Variants in NRCAM observed in about 807,000 individuals in gnomAD.
NRCAM encodes NgCAM-related cell adhesion molecule.
A neutral mutation model predicts 156.5 loss-of-function variants in NRCAM; 83 were observed. That is an observed-to-expected ratio of 0.53 (90% CI 0.44 to 0.64). The LOEUF (loss-of-function observed/expected upper bound fraction) is 0.64, where lower values mean the gene tolerates loss of function less well. Among genes scored for constraint, NRCAM ranks in the 30% least tolerant of loss-of-function variants. The pLI is 0.00. For missense variants in NRCAM, 1,417 were observed against 1,597.3 expected, an observed-to-expected ratio of 0.89 and a Z score of 1.92; for synonymous variants, 538 against 563.9, an observed-to-expected ratio of 0.95 and a Z score of 0.65.
At chr7:108,352,112 T>C (rs1407652418) in intron 2 of NRCAM, among the ~76,000 whole-genome samples, 1 of 152,192 alleles carries the variant, frequency 6.6e-6, no homozygotes, top group African/African-American at 2.4e-5. Context: ...TTAAGAATAT[T>C]CCTTCCTCTA....
chr7:108,364,567 T>C (rs1389673736), intron 2 of NRCAM, among the ~76,000 whole-genome samples: 1 of 152,172 alleles, frequency 6.6e-6, no homozygotes, highest in Non-Finnish European at 1.5e-5. Context: ...ATGTTCATAG[T>C]AGTATTATTT....
At chr7:108,221,060 AAAG>A (rs1434475456) in intron 11 of NRCAM, among the ~76,000 whole-genome samples, 1 of 152,234 alleles carries the variant, frequency 6.6e-6, no homozygotes, top group African/African-American at 2.4e-5. Context: ...ACAGTTTTCA[AAAG>A]AAGATACACA....
chr7:108,254,751 A>G (rs80138177), intron 3 of NRCAM, among the ~76,000 whole-genome samples: 4,904 of 152,034 alleles, frequency 0.032, 99 homozygotes, highest in South Asian at 0.058. Flanking sequence ...AGGTTTCACT[A>G]TATTACCCAG....
At chr7:108,209,713 TAAGA>T (rs1045944393) in intron 11 of NRCAM, 108 bp from the exon 12 acceptor site, 4 of 768,542 alleles carry the variant, frequency 5.2e-6, no homozygotes, top group East Asian at 5.5e-5. Context: ...TAAAAAATCA[TAAGA>T]AATACATAGA....
intron 32 of NRCAM, among the ~76,000 whole-genome samples, chr7:108,158,115 G>C (rs796540645): frequency 2.6e-5 from 4 of 152,194 alleles, no homozygotes; most frequent in African/African-American, 9.6e-5. Context: ...GCTTCTGTAG[G>C]CTGCTCTAAT....
chr7:108,158,419 C>T (rs1378278553), intron 32 of NRCAM, among the ~76,000 whole-genome samples: 1 of 152,078 alleles, frequency 6.6e-6, no homozygotes, highest in Non-Finnish European at 1.5e-5. Context: ...ATCAGTTCTA[C>T]ATTTTTTATC....
At chr7:108,256,288 C>A (rs1226860235) in intron 3 of NRCAM, among the ~76,000 whole-genome samples, 1 of 146,108 alleles carries the variant, frequency 6.8e-6, no homozygotes, top group Non-Finnish European at 1.5e-5. Flanking sequence ...AAGAAAAATT[C>A]TTCTGCCTTG....
chr7:108,347,818 C>A (rs1414812995), intron 2 of NRCAM, among the ~76,000 whole-genome samples: 1 of 152,158 alleles, frequency 6.6e-6, no homozygotes, highest in Non-Finnish European at 1.5e-5. Flanking sequence ...CTCCTTGGTC[C>A]TGAGACCTGT....
rs1166813737 is a variant in NRCAM at position 108,178,003 on chromosome 7, T to C, written c.2961A>G (p.Leu987=). 10 of 1,610,550 alleles carry C rather than the reference T, an allele frequency of 6.2e-6. No homozygotes were observed. The Admixed American group carries it at 1.3e-4, about 22-fold the overall frequency. Reference sequence around the variant, plus strand: ...CCAACAGCTTACTTGGCTGATACTTTAAGGTGTACTCTGTCAAAATGCCAT... The same window carrying C: ...CCAACAGCTTACTTGGCTGATACTTCAAGGTGTACTCTGTCAAAATGCCAT... The part of the protein sequence containing the change: ...HPNGILTEYT[L]KYQPINSTHE... The change falls in exon 26 of 33, where the codon TTA becomes TTG. Residue 987 remains leucine, a synonymous_variant. Coordinates refer to ENST00000379028, the MANE Select transcript of NRCAM (RefSeq NM_001037132.4).
chr7:108,156,561 G>T, intron 32 of NRCAM: 1 of 224,928 alleles, frequency 4.4e-6, no homozygotes, highest in Non-Finnish European at 7.4e-6. Context: ...ATCACATTTG[G>T]CCACCAGTGA....
rs1270777439 is a variant in NRCAM at position 108,155,101 on chromosome 7, T to TATACACAC, written c.3677+4361_3677+4362insGTGTGTAT. Among the ~76,000 whole-genome samples, 830 of 123,050 alleles carry TATACACAC rather than the reference T, an allele frequency of 6.7e-3. 3 individuals are homozygous for TATACACAC. Among genetic ancestry groups the TATACACAC allele is most frequent in the African/African-American group, 9.6e-3 (272 of 28,286 alleles). The allele number at this position is 123,050 out of a possible 152,430, so 80.7% of individuals were successfully genotyped here. ...GATTTAAAAGTCATATATATATATA[T>TATACACAC]ACACACACACACACACACACACACA... On this transcript the variant is annotated intron_variant, in intron 32 of 32. Coordinates refer to ENST00000379028, the MANE Select transcript of NRCAM (RefSeq NM_001037132.4).
chr7:108,262,475 A>C (rs1244844659), intron 3 of NRCAM, among the ~76,000 whole-genome samples: 2 of 152,172 alleles, frequency 1.3e-5, no homozygotes, highest in Non-Finnish European at 2.9e-5. Flanking sequence ...GAGAGGCCAG[A>C]TAACTCATCC....
chr7:108,184,324 C>T lies in NRCAM; in HGVS notation c.2234-13G>A, dbSNP rs745882743. 19 of 1,613,940 alleles carry T rather than the reference C, an allele frequency of 1.2e-5. No individual in the cohort carries two copies. The highest frequency in any genetic ancestry group is 5.0e-5 in the Admixed American group (3 of 60,000). Reference sequence around the variant, plus strand: ...TTTTTATCTGGTTCTGGAAGTTAAGCAGCCACACATGTGTAAGCTTTGGCC... The same window carrying T: ...TTTTTATCTGGTTCTGGAAGTTAAGTAGCCACACATGTGTAAGCTTTGGCC... On this transcript the variant is annotated splice_polypyrimidine_tract_variant and intron_variant, in intron 21 of 32. Transcript: ENST00000379028.
intron 3 of NRCAM, among the ~76,000 whole-genome samples, chr7:108,257,021 AAAAAG>A: frequency 7.9e-6 from 1 of 125,994 alleles, no homozygotes; most frequent in African/African-American, 3.5e-5. Context: ...AAAAAAAAAG[AAAAAG>A]AAAAAGAAAA....
At chr7:108,376,893 A>C (rs2099678104) in intron 2 of NRCAM, among the ~76,000 whole-genome samples, 2 of 152,206 alleles carry the variant, frequency 1.3e-5, no homozygotes, top group African/African-American at 4.8e-5. Context: ...GGCCAGGTGC[A>C]GTGGCTCATG....
intron 1 of NRCAM, among the ~76,000 whole-genome samples, chr7:108,440,441 C>A (rs1475451322): frequency 6.6e-6 from 1 of 152,114 alleles, no homozygotes; most frequent in East Asian, 1.9e-4. Context: ...AAAAAGTTTT[C>A]TACATTCATC....
chr7:108,299,531 T>A (rs1427982246), intron 3 of NRCAM, among the ~76,000 whole-genome samples: 1 of 152,162 alleles, frequency 6.6e-6, no homozygotes, highest in Non-Finnish European at 1.5e-5. Flanking sequence ...CCATATTATA[T>A]TGTTTGGTCT....
rs5886446 is a variant in NRCAM, at chr7:108,221,942, CA to C, written c.890+1782del. Among the ~76,000 whole-genome samples, 802 of 143,770 alleles carry C rather than the reference CA, an allele frequency of 5.6e-3. 10 individuals are homozygous for C. Among genetic ancestry groups the C allele is most frequent in the African/African-American group, 0.018 (700 of 39,234 alleles). The allele number at this position is 143,770 out of a possible 152,430, so 94.3% of individuals were successfully genotyped here. A position where few individuals can be genotyped will look rare whatever the true frequency, so the allele number is the denominator to read the frequency against. On this transcript the variant is annotated intron_variant, in intron 11 of 32. Transcript: ENST00000379028. ...GAGAAATAATAAATTATGGTTCAAGCAAAAAAAAAAAAAGAAATGCAAGTGG... is the reference window on the plus strand; with the variant it reads ...GAGAAATAATAAATTATGGTTCAAGCAAAAAAAAAAAAGAAATGCAAGTGG...
At chr7:108,159,817 A>C in intron 31 of NRCAM, among the ~76,000 whole-genome samples, 1 of 152,154 alleles carries the variant, frequency 6.6e-6, no homozygotes, top group East Asian at 1.9e-4. Context: ...CTATTTTACC[A>C]ATCTATTTGT....
Sources: allele counts gnomAD v4.1 joint callset (sites outside exome capture counted in the v4.1 genomes callset), GRCh38; gene constraint gnomAD v4.1.1; transcripts MANE v1.5; gene names NCBI Gene and HGNC (gene_info 2026-07-23, HGNC 2026-07-21).